The following CSMD1 variants were observed in gnomAD, a reference collection of about 807,000 sequenced individuals.
CSMD1 encodes CUB and sushi domain-containing protein 1.
In CSMD1, 213 loss-of-function variants were observed where a neutral mutation model predicts 417.5. That is an observed-to-expected ratio of 0.51 (90% CI 0.46 to 0.57). The LOEUF (loss-of-function observed/expected upper bound fraction) is 0.57, where lower values mean the gene tolerates loss of function less well. CSMD1 is among the 20% of genes least tolerant of loss of function. The pLI, the probability that CSMD1 is intolerant of heterozygous loss-of-function variation, is 0.00. For synonymous variants in CSMD1, 2,862 were observed against 1,736.8 expected (o/e 1.65, Z -16.11); for missense variants, 6,923 against 4,529.7 (o/e 1.53, Z -15.17).
intron 3 of CSMD1, among the ~76,000 whole-genome samples, chr8:4,236,089 G>C (rs573532375): frequency 1.6e-5 from 2 of 121,806 alleles, no homozygotes; most frequent in South Asian, 5.3e-4. Flanking sequence ...TTTTTTCCAG[G>C]TTTCCTGTAG....
intron 5 of CSMD1, among the ~76,000 whole-genome samples, chr8:3,782,555 T>G (rs544466071): frequency 2.6e-4 from 39 of 152,136 alleles, no homozygotes; most frequent in African/African-American, 9.2e-4. Context: ...AAATGATGAG[T>G]TGATGGGCGC....
At chr8:4,200,608 G>C (rs557858634) in intron 3 of CSMD1, among the ~76,000 whole-genome samples, 5 of 152,122 alleles carry the variant, frequency 3.3e-5, no homozygotes, top group Non-Finnish European at 5.9e-5. Flanking sequence ...TGAAATCCCA[G>C]CACTTTGTAG....
chr8:4,122,860 C>G (rs1802563492), intron 3 of CSMD1, among the ~76,000 whole-genome samples: 1 of 152,146 alleles, frequency 6.6e-6, no homozygotes, highest in African/African-American at 2.4e-5. Context: ...GAAACTTGGT[C>G]CACATAAAGA....
At chr8:3,666,321 A>G (rs190111860) in intron 7 of CSMD1, among the ~76,000 whole-genome samples, 26 of 152,340 alleles carry the variant, frequency 1.7e-4, no homozygotes, top group Admixed American at 1.3e-3. Context: ...ATATGCTTCA[A>G]AAGCAACTTA....
At chr8:4,193,199 A>G (rs1437087437) in intron 3 of CSMD1, among the ~76,000 whole-genome samples, 1 of 151,882 alleles carries the variant, frequency 6.6e-6, no homozygotes, top group Non-Finnish European at 1.5e-5. Flanking sequence ...AGTCATAAGC[A>G]GGGCTGAAAG....
chr8:4,811,237 A>T (rs191724721), intron 1 of CSMD1, among the ~76,000 whole-genome samples: 1 of 152,206 alleles, frequency 6.6e-6, no homozygotes, highest in African/African-American at 2.4e-5. Flanking sequence ...AGAACTGAAG[A>T]CAATTCAATT....
intron 10 of CSMD1, among the ~76,000 whole-genome samples, chr8:3,513,371 T>C (rs10099556): frequency 0.16 from 23,497 of 150,886 alleles, 2,012 homozygotes; most frequent in Admixed American, 0.21. Context: ...AGTCTTACTT[T>C]GTTACCCAGG....
intron 50 of CSMD1, among the ~76,000 whole-genome samples, chr8:3,047,675 A>G (rs1306101485): frequency 1.3e-5 from 2 of 152,058 alleles, no homozygotes; most frequent in African/African-American, 4.8e-5. Flanking sequence ...ACGACTTAAA[A>G]CCTACATTGT....
At chr8:4,281,636 G>T (rs1413134139) in intron 3 of CSMD1, among the ~76,000 whole-genome samples, 1 of 151,898 alleles carries the variant, frequency 6.6e-6, no homozygotes, top group Non-Finnish European at 1.5e-5. Context: ...CTTTTATGTT[G>T]GGCTTTCTTA....
intron 2 of CSMD1, among the ~76,000 whole-genome samples, chr8:4,549,055 A>C (rs1048795036): frequency 6.6e-6 from 1 of 152,168 alleles, no homozygotes; most frequent in Admixed American, 6.5e-5. Context: ...CATTCATTTA[A>C]TGTTTTTAAC....
chr8:4,733,099 C>G (rs1277303362), intron 1 of CSMD1, among the ~76,000 whole-genome samples: 3 of 152,008 alleles, frequency 2.0e-5, no homozygotes, highest in Admixed American at 2.0e-4. Flanking sequence ...GATATTAAAG[C>G]AAATTAGAAT....
intron 2 of CSMD1, among the ~76,000 whole-genome samples, chr8:4,599,689 A>C (rs1159203664): frequency 6.6e-6 from 1 of 152,204 alleles, no homozygotes; most frequent in Non-Finnish European, 1.5e-5. Context: ...CACCATCAGC[A>C]TGGCCCAGGT....
At chr8:4,515,413 T>C (rs1358811978) in intron 2 of CSMD1, among the ~76,000 whole-genome samples, 1 of 152,182 alleles carries the variant, frequency 6.6e-6, no homozygotes, top group African/African-American at 2.4e-5. Flanking sequence ...GGCGTCTTTG[T>C]CTGCTTGACA....
chr8:3,927,045 T>C (rs1225338913), intron 5 of CSMD1, among the ~76,000 whole-genome samples: 1 of 151,958 alleles, frequency 6.6e-6, no homozygotes, highest in Non-Finnish European at 1.5e-5. Flanking sequence ...CTTTTTGTGC[T>C]TTATGTTTTT....
At chr8:4,922,552 A>G (rs1238459431) in intron 1 of CSMD1, among the ~76,000 whole-genome samples, 1 of 152,158 alleles carries the variant, frequency 6.6e-6, no homozygotes, top group Admixed American at 6.5e-5. Context: ...TCAGTTTTTA[A>G]GTGCACATAT....
intron 5 of CSMD1, among the ~76,000 whole-genome samples, chr8:3,778,595 G>C (rs937873572): frequency 6.6e-6 from 1 of 152,176 alleles, no homozygotes; most frequent in Non-Finnish European, 1.5e-5. Flanking sequence ...AAGAGCATCA[G>C]TGCCCTCTCC....
intron 37 of CSMD1, among the ~76,000 whole-genome samples, chr8:3,171,757 C>A (rs1820596324): frequency 6.6e-6 from 1 of 152,138 alleles, no homozygotes; most frequent in Non-Finnish European, 1.5e-5. Context: ...GTCAATGAGA[C>A]AATATACTTC....
rs11785217 is a variant in CSMD1, at chr8:4,821,947, C to G, written c.85+172385G>C. 8.2e-3 allele frequency among the ~76,000 whole-genome samples: 1,242 copies of G among 152,036 alleles called. 5 individuals carry two copies. The highest frequency in any genetic ancestry group is 0.013 in the Non-Finnish European group (904 of 67,998). Reference sequence around the variant, plus strand: ...TTCAGGTATTTTTAAATAATCTAATCGAATAAAGCTTCTCAGAGAATACTA... The same window carrying G: ...TTCAGGTATTTTTAAATAATCTAATGGAATAAAGCTTCTCAGAGAATACTA... On this transcript the variant is annotated intron_variant, in intron 1 of 69. Transcript: ENST00000635120.
chr8:3,792,036 C>T (rs1033554197), intron 5 of CSMD1, among the ~76,000 whole-genome samples: 2 of 152,114 alleles, frequency 1.3e-5, no homozygotes, highest in African/African-American at 2.4e-5. Flanking sequence ...AGTCAATTAA[C>T]TTGGGCAACC....
Sources: gnomAD v4.1 joint callset for allele counts (sites outside exome capture counted in the v4.1 genomes callset) on GRCh38, gnomAD v4.1.1 for gene constraint, MANE v1.5 for transcripts, NCBI Gene and HGNC (gene_info 2026-07-23, HGNC 2026-07-21) for gene names.